The following TNFAIP8 variants were observed in gnomAD, a reference collection of about 807,000 sequenced individuals.
The protein encoded by TNFAIP8 is TNF alpha induced protein 8.
In TNFAIP8, 7 loss-of-function variants were observed where a neutral mutation model predicts 13.3. The observed-to-expected ratio is 0.52, with a 90% confidence interval of 0.30 to 0.99. The LOEUF is 0.99. TNFAIP8 is among the 50% of genes least tolerant of loss of function. The probability of loss-of-function intolerance (pLI) is 0.07; values close to 1 mark genes in which losing one functional copy is unlikely to be tolerated. For missense variants in TNFAIP8, 258 were observed against 236.9 expected (o/e 1.09, Z -0.58); for synonymous variants, 94 against 87.6 (o/e 1.07, Z -0.41).
At chr5:119,315,603 C>T (rs1749869179) in intron 1 of TNFAIP8, among the ~76,000 whole-genome samples, 1 of 152,122 alleles carries the variant, frequency 6.6e-6, no homozygotes, top group African/African-American at 2.4e-5. Context: ...CCACTGTCTG[C>T]AGAAGTTGGA....
chr5:119,363,070 A>T (rs767644870), intron 1 of TNFAIP8, among the ~76,000 whole-genome samples: 93 of 152,312 alleles, frequency 6.1e-4, no homozygotes, highest in Non-Finnish European at 9.1e-4. Context: ...ACTTTTACAA[A>T]GGAGAGAGGT....
At chr5:119,361,770 G>A (rs1751646055) in intron 1 of TNFAIP8, among the ~76,000 whole-genome samples, 1 of 152,312 alleles carries the variant, frequency 6.6e-6, no homozygotes, top group Middle Eastern at 3.4e-3. Flanking sequence ...TGTGGCCTAC[G>A]CAGCCAGGCT....
At chr5:119,388,163 T>TGGACTC (rs1392409344) in intron 1 of TNFAIP8, among the ~76,000 whole-genome samples, 1 of 152,226 alleles carries the variant, frequency 6.6e-6, no homozygotes, top group African/African-American at 2.4e-5. Context: ...ACTCTAAATA[T>TGGACTC]TTGCATTATT....
At chr5:119,295,845 C>T (rs1452211821) in intron 1 of TNFAIP8, among the ~76,000 whole-genome samples, 3 of 151,992 alleles carry the variant, frequency 2.0e-5, no homozygotes, top group East Asian at 1.9e-4. Context: ...AGGTCCTTCA[C>T]GTCCCTTGTA....
upstream of TNFAIP8, among the ~76,000 whole-genome samples, chr5:119,352,658 A>G (rs1156758507): frequency 6.6e-6 from 1 of 152,154 alleles, no homozygotes; most frequent in Non-Finnish European, 1.5e-5. Context: ...CCTTTTCTTA[A>G]CAGACATCTG....
At chr5:119,355,319 T>A, upstream of TNFAIP8, 1 of 702,148 alleles carries the variant, frequency 1.4e-6, no homozygotes, top group Non-Finnish European at 2.6e-6. Context: ...GCCCGGGCTG[T>A]GCTTGGAGTA....
At chr5:119,329,277 A>G (rs1391158998) in intron 1 of TNFAIP8, among the ~76,000 whole-genome samples, 2 of 152,254 alleles carry the variant, frequency 1.3e-5, no homozygotes, top group Non-Finnish European at 2.9e-5. Flanking sequence ...CAACATTTTT[A>G]CACAATTTAT....
At chr5:119,277,851 C>G (rs1268610781) in intron 1 of TNFAIP8, among the ~76,000 whole-genome samples, 1 of 152,128 alleles carries the variant, frequency 6.6e-6, no homozygotes. Context: ...TGTGTCCTCA[C>G]ATGGTAGATG....
At chr5:119,378,371 A>T (rs1015211834) in intron 1 of TNFAIP8, among the ~76,000 whole-genome samples, 1 of 152,030 alleles carries the variant, frequency 6.6e-6, no homozygotes, top group Non-Finnish European at 1.5e-5. Flanking sequence ...TTAAAATGAG[A>T]TCGTTTACAT....
At chr5:119,294,851 G>A (rs1445433100) in intron 1 of TNFAIP8, among the ~76,000 whole-genome samples, 5 of 151,962 alleles carry the variant, frequency 3.3e-5, no homozygotes, top group Non-Finnish European at 7.4e-5. Flanking sequence ...TTTGAGAAGT[G>A]TCTGTTCATG....
chr5:119,305,270 T>G (rs1356843238), intron 1 of TNFAIP8, among the ~76,000 whole-genome samples: 1 of 152,248 alleles, frequency 6.6e-6, no homozygotes, highest in African/African-American at 2.4e-5. Flanking sequence ...ATGACTATTT[T>G]CTTAATTGAA....
Position 119,287,762 on chromosome 5 carries a change from C to T in TNFAIP8, c.1+18855C>T, listed in dbSNP as rs184607688. 2.0e-5 allele frequency among the ~76,000 whole-genome samples: 3 copies of T among 152,306 alleles called. No homozygotes were observed. In the East Asian group the frequency reaches 5.8e-4, roughly 29 times the overall value. On this transcript the variant is annotated intron_variant, in intron 1 of 1. Transcript: ENST00000274456. ...AGGATTTGCCTAAATATCATTTTTA[C>T]TTTCACTTAAGGGATTATTTTAGTT...
At chr5:119,295,347 T>G (rs1296631237) in intron 1 of TNFAIP8, among the ~76,000 whole-genome samples, 1 of 151,838 alleles carries the variant, frequency 6.6e-6, no homozygotes, top group Admixed American at 6.6e-5. Context: ...TTTCTACATA[T>G]GGCTAGCCAG....
At chr5:119,295,088 T>C (rs904647134) in intron 1 of TNFAIP8, among the ~76,000 whole-genome samples, 1 of 151,958 alleles carries the variant, frequency 6.6e-6, no homozygotes, top group Non-Finnish European at 1.5e-5. Flanking sequence ...GCCATTGCTT[T>C]TGGTGTTTTA....
chr5:119,380,197 A>T (rs973202007), intron 1 of TNFAIP8, among the ~76,000 whole-genome samples: 2 of 152,238 alleles, frequency 1.3e-5, no homozygotes, highest in African/African-American at 4.8e-5. Flanking sequence ...ATTCATTTAA[A>T]AGTGTTAGTG....
chr5:119,329,321 A>G (rs1467104566), intron 1 of TNFAIP8, among the ~76,000 whole-genome samples: 3 of 152,192 alleles, frequency 2.0e-5, no homozygotes, highest in African/African-American at 4.8e-5. Flanking sequence ...TACATGATAA[A>G]AAGGCCTACC....
chr5:119,345,558 A>G (rs1238651251), intron 1 of TNFAIP8, among the ~76,000 whole-genome samples: 1 of 152,236 alleles, frequency 6.6e-6, no homozygotes, highest in African/African-American at 2.4e-5. Context: ...CTGACCTGCT[A>G]CCATGTGGAT....
At chr5:119,272,243 T>A (rs967259520) in intron 1 of TNFAIP8, among the ~76,000 whole-genome samples, 1 of 152,188 alleles carries the variant, frequency 6.6e-6, no homozygotes, top group Non-Finnish European at 1.5e-5. Flanking sequence ...ACTTTGGAGG[T>A]GTCCATCTCC....
intron 1 of TNFAIP8, among the ~76,000 whole-genome samples, chr5:119,298,823 T>C (rs1213679182): frequency 6.6e-6 from 1 of 152,162 alleles, no homozygotes; most frequent in East Asian, 1.9e-4. Flanking sequence ...TTCTTTTTTC[T>C]CTAAACTTCC....
Sources: allele counts gnomAD v4.1 joint callset (sites outside exome capture counted in the v4.1 genomes callset), GRCh38; gene constraint gnomAD v4.1.1; transcripts MANE v1.5; gene names NCBI Gene and HGNC (gene_info 2026-07-23, HGNC 2026-07-21).